DPP10: variants seen among roughly 807,000 people sequenced by gnomAD.
DPP10 encodes the protein dipeptidyl peptidase like 10.
DPP10 carries 33 observed loss-of-function variants against 120.9 expected under a neutral mutation model. That is an observed-to-expected ratio of 0.27 (90% CI 0.21 to 0.37). The LOEUF (loss-of-function observed/expected upper bound fraction) is 0.37. DPP10 is among the 10% of genes least tolerant of loss of function. The pLI, the probability that DPP10 is intolerant of heterozygous loss-of-function variation, is 1.00. For missense variants in DPP10, 816 were observed against 942.8 expected (o/e 0.87, Z 1.76); for synonymous variants, 337 against 326.1 (o/e 1.03, Z -0.36).
Position 114,909,016 on chromosome 2 carries a change from GT to G in DPP10, c.61-400215del, listed in dbSNP as rs903053584. On this transcript the variant is annotated intron_variant, in intron 1 of 25. Coordinates refer to ENST00000410059, the MANE Select transcript of DPP10 (RefSeq NM_020868.6). ...AATTAATTTTTTATAATTTCTTAAA[GT>G]TTTTTTTCTTAAGTTTGAAAGAAAT... Among the ~76,000 whole-genome samples, 16 of 151,470 alleles carry G rather than the reference GT, an allele frequency of 1.1e-4. No individual in the cohort carries two copies. The South Asian group carries it at 2.7e-3, about 26-fold the overall frequency.
chr2:115,279,655 C>CTTT (rs70941039), intron 1 of DPP10, among the ~76,000 whole-genome samples: 604 of 42,776 alleles, frequency 0.014, 77 homozygotes, highest in South Asian at 0.03. Flanking sequence ...TTTTCTTCTT[C>CTTT]TTTTTTTTTT....
At chr2:115,341,736 A>G (rs1310104324) in intron 2 of DPP10, among the ~76,000 whole-genome samples, 3 of 152,028 alleles carry the variant, frequency 2.0e-5, no homozygotes, top group Non-Finnish European at 4.4e-5. Flanking sequence ...TTCACTTCAT[A>G]ATATGCATTT....
chr2:114,948,907 C>T (rs1004546055), intron 1 of DPP10, among the ~76,000 whole-genome samples: 4 of 151,660 alleles, frequency 2.6e-5, no homozygotes, highest in Non-Finnish European at 4.4e-5. Context: ...AGAGAACCAA[C>T]AAAGGGGGTA....
In DPP10 at chr2:115,113,364, G is replaced by T. The variant is rs540251727; in HGVS notation, c.61-195875G>T. Among the ~76,000 whole-genome samples, 3 of 151,962 alleles carry T rather than the reference G, an allele frequency of 2.0e-5. No homozygotes were observed. The South Asian group carries it at 6.2e-4, about 32-fold the overall frequency. On this transcript the variant is annotated intron_variant, in intron 1 of 25. Transcript: ENST00000410059. ...CCAAATGGTTCTTTTGCCCCCAAATGTGTCTTCTGTTAGCCTTAAATTCTC... is the reference window on the plus strand; with the variant it reads ...CCAAATGGTTCTTTTGCCCCCAAATTTGTCTTCTGTTAGCCTTAAATTCTC...
intron 1 of DPP10, among the ~76,000 whole-genome samples, chr2:114,565,292 C>T (rs139720681): frequency 2.6e-5 from 4 of 152,206 alleles, no homozygotes; most frequent in East Asian, 1.9e-4. Flanking sequence ...TGGTATAGTG[C>T]GTGACATGAA....
intron 1 of DPP10, among the ~76,000 whole-genome samples, chr2:114,994,921 G>A (rs981499879): frequency 3.9e-5 from 6 of 151,948 alleles, no homozygotes; most frequent in African/African-American, 1.5e-4. Context: ...TAGAATTTTT[G>A]TGTGAGACAA....
At chr2:114,751,701 A>G (rs142844068) in intron 1 of DPP10, among the ~76,000 whole-genome samples, 4 of 152,158 alleles carry the variant, frequency 2.6e-5, no homozygotes, top group African/African-American at 9.6e-5. Context: ...CTCCTGGGAG[A>G]TTTCTTTACC....
intron 1 of DPP10, among the ~76,000 whole-genome samples, chr2:115,263,135 A>AT: frequency 6.6e-6 from 1 of 152,210 alleles, no homozygotes; most frequent in Non-Finnish European, 1.5e-5. Flanking sequence ...CTAGGAAGAG[A>AT]TTATCTCCAA....
intron 1 of DPP10, among the ~76,000 whole-genome samples, chr2:115,094,816 A>T (rs574382013): frequency 1.3e-5 from 2 of 152,330 alleles, no homozygotes; most frequent in Non-Finnish European, 2.9e-5. Flanking sequence ...ACAGCCAGAT[A>T]ATAAGTATTT....
chr2:115,219,431 T>TAC (rs1320313240), intron 1 of DPP10, among the ~76,000 whole-genome samples: 1 of 152,064 alleles, frequency 6.6e-6, no homozygotes, highest in Non-Finnish European at 1.5e-5. Context: ...CGTAAGTGTA[T>TAC]ACACACACAC....
intron 1 of DPP10, among the ~76,000 whole-genome samples, chr2:115,240,353 GTGATGA>G (rs2058215410): frequency 6.6e-6 from 1 of 152,196 alleles, no homozygotes; most frequent in African/African-American, 2.4e-5. Context: ...CTAACGACCA[GTGATGA>G]TGAGCTTTTT....
chr2:115,663,888 G>A (rs1267159507), intron 5 of DPP10, among the ~76,000 whole-genome samples: 4 of 151,762 alleles, frequency 2.6e-5, no homozygotes, highest in African/African-American at 4.8e-5. Context: ...CCAGCTACTC[G>A]GGAGGCTGAG....
intron 1 of DPP10, among the ~76,000 whole-genome samples, chr2:114,922,045 G>T (rs1488828443): frequency 6.6e-6 from 1 of 152,140 alleles, no homozygotes; most frequent in Non-Finnish European, 1.5e-5. Context: ...TATGTTAAAT[G>T]CTATTTGACT....
chr2:114,638,799 A>G (rs1485935916), intron 1 of DPP10, among the ~76,000 whole-genome samples: 2 of 151,902 alleles, frequency 1.3e-5, no homozygotes, highest in African/African-American at 4.9e-5. Flanking sequence ...TATATCCAAA[A>G]TAACATAAAT....
chr2:115,342,014 A>T (rs150010577), intron 2 of DPP10: 86 of 366,152 alleles, frequency 2.3e-4, no homozygotes, highest in African/African-American at 1.7e-3. Flanking sequence ...TTATAAGAAA[A>T]TGCCAGATTA....
chr2:114,802,152 T>C (rs1439778180), intron 1 of DPP10, among the ~76,000 whole-genome samples: 1 of 152,190 alleles, frequency 6.6e-6, no homozygotes, highest in African/African-American at 2.4e-5. Context: ...AGTAAAAGAA[T>C]ATAAATTATC....
chr2:114,709,375 C>T (rs902516540), intron 1 of DPP10, among the ~76,000 whole-genome samples: 3 of 152,186 alleles, frequency 2.0e-5, no homozygotes, highest in South Asian at 4.1e-4. Context: ...CTCTAAGTGA[C>T]TTCCCTGACT....
chr2:115,117,249 TGTGG>T (rs2049563286), intron 1 of DPP10, among the ~76,000 whole-genome samples: 1 of 152,158 alleles, frequency 6.6e-6, no homozygotes, highest in Non-Finnish European at 1.5e-5. Flanking sequence ...TTAAATGATA[TGTGG>T]TTTTATCATT....
At chr2:114,755,609 G>A (rs1679653284) in intron 1 of DPP10, among the ~76,000 whole-genome samples, 1 of 152,224 alleles carries the variant, frequency 6.6e-6, no homozygotes, top group Admixed American at 6.5e-5. Flanking sequence ...GGAAAACTGT[G>A]TGTGTGTTTT....
Sources: gnomAD v4.1 joint callset for allele counts (sites outside exome capture counted in the v4.1 genomes callset) on GRCh38, gnomAD v4.1.1 for gene constraint, MANE v1.5 for transcripts, NCBI Gene and HGNC (gene_info 2026-07-23, HGNC 2026-07-21) for gene names.